The following PAK4 variants were observed in gnomAD, a reference collection of about 807,000 sequenced individuals.
PAK4 encodes the protein p21 (RAC1) activated kinase 4, also known as serine/threonine-protein kinase PAK 4.
A neutral mutation model predicts 53.5 loss-of-function variants in PAK4; 49 were observed. That is an observed-to-expected ratio of 0.92 (90% CI 0.73 to 1.16). The LOEUF (loss-of-function observed/expected upper bound fraction) is 1.16, where lower values mean the gene tolerates loss of function less well. Among genes scored for constraint, PAK4 ranks in the 50% most tolerant of loss-of-function variants. PAK4 has a pLI of 0.00. For missense variants in PAK4, 824 were observed against 850.7 expected (o/e 0.97, Z 0.39); for synonymous variants, 376 against 375.6 (o/e 1.00, Z -0.01).
intron 1 of PAK4, among the ~76,000 whole-genome samples, chr19:39,153,812 G>A (rs2074133179): frequency 6.6e-6 from 1 of 152,030 alleles, no homozygotes; most frequent in South Asian, 2.1e-4. Context: ...CGAACTCCTG[G>A]CCTCAAGTAA....
chr19:39,160,727 A>G (rs1239113973), intron 1 of PAK4, among the ~76,000 whole-genome samples: 1 of 152,174 alleles, frequency 6.6e-6, no homozygotes, highest in African/African-American at 2.4e-5. Flanking sequence ...GTGTTGAATC[A>G]GTGTTTGAGC....
chr19:39,151,038 C>T (rs1053797014), intron 1 of PAK4, among the ~76,000 whole-genome samples: 16 of 152,012 alleles, frequency 1.1e-4, no homozygotes, highest in Non-Finnish European at 1.9e-4. Context: ...TGCCTGTGGC[C>T]GGAGCAGGTG....
At chr19:39,172,551 T>C (rs1318593813) in intron 2 of PAK4, among the ~76,000 whole-genome samples, 2 of 152,070 alleles carry the variant, frequency 1.3e-5, no homozygotes, top group Non-Finnish European at 2.9e-5. Flanking sequence ...CGCCCTGTCA[T>C]TTGCAGCCCT....
rs116165363 is a variant in PAK4 at position 39,169,487 on chromosome 19, G to C, written c.-22-45G>C. The C allele has an allele frequency of 1.1e-3, 1,517 of 1,372,906 alleles. 11 individuals carry two copies. In the African/African-American group the frequency reaches 0.016, roughly 14 times the overall value. The allele number at this position is 1,372,906 out of a possible 1,614,324, so 85.0% of individuals were successfully genotyped here. ...ACAGAGCAGGGGCAGAGGAGGAAGA[G>C]ACATGGGCAGGCTCTCACTCACCCA... On this transcript the variant is annotated intron_variant, in intron 1 of 8. Transcript: ENST00000358301.
intron 1 of PAK4, among the ~76,000 whole-genome samples, chr19:39,156,399 C>T (rs975878566): frequency 1.3e-5 from 2 of 152,216 alleles, no homozygotes; most frequent in Admixed American, 6.5e-5. Context: ...CCTGGCCAGC[C>T]GCTTGCAGGT....
intron 1 of PAK4, among the ~76,000 whole-genome samples, chr19:39,146,429 G>A (rs1036388727): frequency 3.3e-5 from 5 of 152,222 alleles, no homozygotes; most frequent in Admixed American, 6.5e-5. Flanking sequence ...AGAGCAAATA[G>A]CATGTTCAAA....
intron 1 of PAK4, chr19:39,156,649 AGCC>A (rs2074187802): frequency 2.0e-5 from 3 of 146,588 alleles, no homozygotes; most frequent in Admixed American, 1.4e-4. Flanking sequence ...TGGAAACCAC[AGCC>A]GAGGCTCAAC....
At chr19:39,151,057 C>T (rs1466472136) in intron 1 of PAK4, among the ~76,000 whole-genome samples, 1 of 152,052 alleles carries the variant, frequency 6.6e-6, no homozygotes, top group Non-Finnish European at 1.5e-5. Flanking sequence ...TGGTTGGGGG[C>T]GGAGAGTGTG....
chr19:39,172,416 C>T (rs1449485108), intron 2 of PAK4, among the ~76,000 whole-genome samples: 6 of 152,080 alleles, frequency 3.9e-5, no homozygotes, highest in Non-Finnish European at 5.9e-5. Flanking sequence ...ACTTTGGGAC[C>T]AGGCCTTTCT....
intron 1 of PAK4, among the ~76,000 whole-genome samples, chr19:39,160,215 G>T (rs2074261589): frequency 6.8e-6 from 1 of 146,072 alleles, no homozygotes; most frequent in South Asian, 2.2e-4. Context: ...CCAGGGACTT[G>T]TGTCTGTCTC....
chr19:39,174,040 T>C lies in PAK4; in HGVS notation c.1098+30T>C, dbSNP rs754471804. 9 of 1,416,128 alleles carry C rather than the reference T, an allele frequency of 6.4e-6. No individual in the cohort carries two copies. In the African/African-American group the frequency reaches 8.7e-5, roughly 14 times the overall value. The allele number at this position is 1,416,128 out of a possible 1,614,324, so 87.7% of individuals were successfully genotyped here. A position where few individuals can be genotyped will look rare whatever the true frequency, so the allele number is the denominator to read the frequency against. On this transcript the variant is annotated intron_variant, in intron 4 of 8. Coordinates refer to ENST00000358301, the Ensembl canonical transcript of PAK4. Reference sequence around the variant, plus strand: ...GGGCGCTGCTGCCCTGCCGCCCTGCTGGTCCTCCCACCCCTCCCTCCCACC... The same window carrying C: ...GGGCGCTGCTGCCCTGCCGCCCTGCCGGTCCTCCCACCCCTCCCTCCCACC...
In PAK4 at chr19:39,152,805, G is replaced by A. The variant is rs191014968; in HGVS notation, c.-22-16727G>A. On this transcript the variant is annotated intron_variant, in intron 1 of 8. Transcript: ENST00000358301. ...TCCCATTGGGGGTCTTGGAACATAC[G>A]CCTTGCAGATAAGGGGAACTGCTGT... 3.2e-3 allele frequency among the ~76,000 whole-genome samples: 480 copies of A among 152,226 alleles called. 5 individuals carry two copies. Among genetic ancestry groups the A allele is most frequent in the African/African-American group, 0.011 (436 of 41,522 alleles).
intron 1 of PAK4, among the ~76,000 whole-genome samples, chr19:39,139,030 CCT>C (rs1383455798): frequency 1.3e-5 from 2 of 152,192 alleles, no homozygotes; most frequent in African/African-American, 4.8e-5. Flanking sequence ...CGATTCCTCC[CCT>C]GATTCACATC....
rs370017586 is a variant in PAK4 at position 39,175,337 on chromosome 19, G to A, written c.1258G>A (p.Val420Met). ...GATGAACGAGGAGCAGATCGCGGCC[G>A]TGTGCCTTGCAGTGCTGCAGGCCCT... The change falls in exon 6 of 9, where the codon GTG becomes ATG. Residue 420 changes from valine (V) to methionine (M), a missense_variant. This residue lies in a region of PAK4 where 346 missense variants were observed against 415.0 expected (regional missense o/e 0.83). Transcript: ENST00000358301. This position sits in a 1 kb window ranked among gnomAD's most constrained non-coding sequence, Gnocchi z 4.7. 1.2e-4 allele frequency: 188 copies of A among 1,595,236 alleles called. No homozygotes were observed. The highest frequency in any genetic ancestry group is 4.9e-4 in the Middle Eastern group (3 of 6,064).
chr19:39,177,475 T>TG (rs1038896236), intron 7 of PAK4, among the ~76,000 whole-genome samples, 200 bp from the exon 9 acceptor site: 9 of 145,526 alleles, frequency 6.2e-5, no homozygotes, highest in Non-Finnish European at 9.1e-5. Context: ...GGGTGGGTGC[T>TG]GGGGGGGCAG....
At chr19:39,141,960 A>G (rs1600324943) in intron 1 of PAK4, among the ~76,000 whole-genome samples, 1 of 152,078 alleles carries the variant, frequency 6.6e-6, no homozygotes, top group East Asian at 1.9e-4. Context: ...CAAGGTCTAC[A>G]CTTTGCATCC....
intron 1 of PAK4, among the ~76,000 whole-genome samples, chr19:39,146,189 G>C (rs2073996075): frequency 7.1e-6 from 1 of 139,904 alleles, no homozygotes; most frequent in South Asian, 2.3e-4. Context: ...TGCCTTCATG[G>C]AGCTTATAAT....
intron 1 of PAK4, among the ~76,000 whole-genome samples, chr19:39,137,960 C>G (rs1052223002): frequency 2.7e-5 from 4 of 148,180 alleles, no homozygotes; most frequent in Non-Finnish European, 6.0e-5. Flanking sequence ...GCCACTGTGC[C>G]TAGTGTCTTA....
chr19:39,172,727 C>T (rs560126273), intron 2 of PAK4, among the ~76,000 whole-genome samples, 191 bp from the exon 4 acceptor site: 23 of 152,210 alleles, frequency 1.5e-4, no homozygotes, highest in African/African-American at 5.5e-4. Context: ...ACTCCTCTGG[C>T]CCCTGCAGCT....
Sources: gnomAD v4.1 joint callset for allele counts (sites outside exome capture counted in the v4.1 genomes callset) on GRCh38, gnomAD v4.1.1 for gene constraint, gnomAD v4.1.1 regional missense constraint, Gnocchi (gnomAD v3.1) non-coding constraint, MANE v1.5 for transcripts, NCBI Gene and HGNC (gene_info 2026-07-23, HGNC 2026-07-21) for gene names.